Variants in ERN1 observed in about 807,000 individuals in gnomAD.
ERN1 encodes endoplasmic reticulum to nucleus signaling 1.
A neutral mutation model predicts 113.1 loss-of-function variants in ERN1; 39 were observed. That is an observed-to-expected ratio of 0.34 (90% CI 0.27 to 0.45). ERN1 has a LOEUF of 0.45. Ranked by LOEUF, ERN1 falls within the 20% of genes least tolerant of loss-of-function variation. The pLI, the probability that ERN1 is intolerant of heterozygous loss-of-function variation, is 1.00. For synonymous variants in ERN1, 507 were observed against 515.9 expected (o/e 0.98, Z 0.23); for missense variants, 976 against 1,274.8 (o/e 0.77, Z 3.57).
chr17:64,124,095 T>C (rs747303725), intron 1 of ERN1, among the ~76,000 whole-genome samples: 5 of 152,168 alleles, frequency 3.3e-5, no homozygotes, highest in Non-Finnish European at 7.3e-5. Context: ...AGATAGGTAA[T>C]AACGAGTATC....
intron 6 of ERN1, among the ~76,000 whole-genome samples, chr17:64,069,338 T>C (rs1306438011): frequency 6.6e-6 from 1 of 152,078 alleles, no homozygotes; most frequent in East Asian, 1.9e-4. Context: ...AAAGGAGTGG[T>C]ATCAGCATAG....
intron 5 of ERN1, among the ~76,000 whole-genome samples, chr17:64,073,251 C>T (rs920591653): frequency 2.6e-5 from 4 of 151,516 alleles, no homozygotes; most frequent in Admixed American, 6.6e-5. Context: ...TCACTGCAAC[C>T]TCCACCTCCC....
intron 17 of ERN1, among the ~76,000 whole-genome samples, chr17:64,052,549 A>G (rs896776963): frequency 7.0e-6 from 1 of 143,522 alleles, no homozygotes; most frequent in Non-Finnish European, 1.5e-5. Context: ...AAAAAAAAAA[A>G]CAAGTGATTG....
intron 18 of ERN1, among the ~76,000 whole-genome samples, chr17:64,048,316 C>T (rs773547193): frequency 6.6e-6 from 1 of 152,124 alleles, no homozygotes; most frequent in Non-Finnish European, 1.5e-5. Flanking sequence ...CGCTGAAAAA[C>T]GTGCATGCTG....
Position 64,126,078 on chromosome 17 carries a change from GA to G in ERN1, c.54+3897del, listed in dbSNP as rs895675153. ...ATGGGATATAGGTAAAGATAGAAAG[GA>G]AAAAAAAAACTGCTTCTGGGAAATA... is the stretch of plus-strand genomic sequence containing the variant. On this transcript the variant is annotated intron_variant, in intron 1 of 21. Coordinates refer to ENST00000433197, the MANE Select transcript of ERN1 (RefSeq NM_001433.5). Among the ~76,000 whole-genome samples the G allele has an allele frequency of 3.2e-3, 472 of 147,334 alleles. 1 individual carries two copies. Among genetic ancestry groups the G allele is most frequent in the Non-Finnish European group, 4.7e-3 (309 of 66,424 alleles).
intron 1 of ERN1, among the ~76,000 whole-genome samples, chr17:64,118,256 T>C (rs1350709130): frequency 1.3e-5 from 2 of 152,186 alleles, no homozygotes; most frequent in Non-Finnish European, 2.9e-5. Context: ...TGCCCAAAGT[T>C]GCACAGCTAG....
At position 64,083,113 on chromosome 17, in the gene ERN1, C is replaced by A. The variant is rs537982467; in HGVS notation, c.176-2305G>T. Among the ~76,000 whole-genome samples the A allele has an allele frequency of 2.7e-4, 41 of 152,006 alleles. 1 individual carries two copies. In the South Asian group the frequency reaches 8.5e-3, roughly 32 times the overall value. ...ATTCAAGATTTGCTTTAAAATACTACAGAAAATAATTATACGGGGGGCGGG... is the reference window on the plus strand; with the variant it reads ...ATTCAAGATTTGCTTTAAAATACTAAAGAAAATAATTATACGGGGGGCGGG... On this transcript the variant is annotated intron_variant, in intron 2 of 21. Transcript: ENST00000433197.
Position 64,064,166 on chromosome 17 carries a change from C to A in ERN1, c.922-15G>T. The A allele has an allele frequency of 1.3e-6, 2 of 1,574,756 alleles. No individual in the cohort carries two copies. Among genetic ancestry groups the A allele is most frequent in the Non-Finnish European group, 1.7e-6 (2 of 1,159,906 alleles). The stretch of plus-strand genomic sequence containing the variant: ...CTGCCGCGGGGCTGTGGAGAGGGTG[C>A]AGTGAGGGTCAGGAGCCCTGGAGGG... On this transcript the variant is annotated splice_polypyrimidine_tract_variant and intron_variant, in intron 9 of 21. Transcript: ENST00000433197.
rs8182253 is a variant in ERN1, at chr17:64,040,529, C to A, written c.*3459G>T. 2.6e-5 allele frequency: 4 copies of A among 152,260 alleles called. No individual in the cohort carries two copies. The highest frequency in any genetic ancestry group is 7.2e-5 in the African/African-American group (3 of 41,446). 9.4% of individuals were successfully genotyped at this position (152,260 alleles called of 1,614,324 possible). A position where few individuals can be genotyped will look rare whatever the true frequency, so the allele number is the denominator to read the frequency against. The stretch of plus-strand genomic sequence containing the variant: ...GCAAGAAAAGAATTGCCAAAGATAA[C>A]TGAATCGCATGCACACAAAACCTTA... On this transcript the variant is annotated 3_prime_UTR_variant, in exon 22 of 22. Coordinates refer to ENST00000433197, the MANE Select transcript of ERN1 (RefSeq NM_001433.5).
chr17:64,053,028 G>GGCC (rs1567862242), intron 16 of ERN1, 49 bp from the exon 17 acceptor site: 13 of 989,032 alleles, frequency 1.3e-5, no homozygotes, highest in Non-Finnish European at 1.5e-5. Context: ...AGCAACCCCA[G>GGCC]GCCTCCTCCA....
intron 1 of ERN1, 100 bp downstream of exon 1, chr17:64,129,876 C>T: frequency 8.7e-7 from 1 of 1,147,644 alleles, no homozygotes; most frequent in Non-Finnish European, 1.1e-6. Flanking sequence ...GCCGCCGTCG[C>T]GCTCCCAGCT....
At chr17:64,086,498 A>G (rs115655201) in intron 2 of ERN1, among the ~76,000 whole-genome samples, 1,657 of 151,820 alleles carry the variant, frequency 0.011, 22 homozygotes, top group African/African-American at 0.038. Context: ...ATTTACCACA[A>G]TCTGTTTACC....
intron 1 of ERN1, chr17:64,098,568 T>C (rs1005647118): frequency 1.9e-5 from 11 of 564,720 alleles, no homozygotes; most frequent in Admixed American, 7.5e-5. Context: ...TTGGGCCTAT[T>C]CTATTCTCTA....
At chr17:64,078,626 T>A (rs924591655) in intron 4 of ERN1, among the ~76,000 whole-genome samples, 1 of 152,250 alleles carries the variant, frequency 6.6e-6, no homozygotes, top group Non-Finnish European at 1.5e-5. Context: ...TATCTGGAAC[T>A]GATTTTATAT....
chr17:64,045,444 G>A lies in ERN1; in HGVS notation c.2568C>T (p.Gly856=), dbSNP rs1291365058. The A allele has an allele frequency of 3.1e-6, 5 of 1,613,820 alleles. No individual in the cohort carries two copies. The highest frequency in any genetic ancestry group is 4.2e-6 in the Non-Finnish European group (5 of 1,179,872). The change falls in exon 20 of 22, where the codon GGC becomes GGT. Residue 856 remains glycine (G), a synonymous_variant. Coordinates refer to ENST00000433197, the MANE Select transcript of ERN1 (RefSeq NM_001433.5). ...CTCTCTCTAACTGCTTCACGATCGG[G>A]CCATCCAGGGATTCCTTTTCTATTC... ...SDRIEKESLD[G]PIVKQLERGG... is the part of the protein sequence containing the mutation.
At chr17:64,092,184 C>T (rs143543340) in intron 2 of ERN1, among the ~76,000 whole-genome samples, 96 of 152,162 alleles carry the variant, frequency 6.3e-4, no homozygotes, top group Non-Finnish European at 1.2e-3. Flanking sequence ...GCAATGGGGC[C>T]AGAGAGGAGT....
intron 6 of ERN1, among the ~76,000 whole-genome samples, chr17:64,070,037 C>T (rs1913361750): frequency 1.3e-5 from 2 of 152,268 alleles, no homozygotes; most frequent in Admixed American, 6.5e-5. Context: ...TCTCAGCTGG[C>T]CTTGAGACTT....
rs1380354925 is a variant in ERN1 at position 64,068,211 on chromosome 17, G to A, written c.559C>T (p.Pro187Ser). The change falls in exon 7 of 22, where the codon CCT becomes TCT. Residue 187 changes from proline to serine, a missense_variant. Coordinates refer to ENST00000433197, the MANE Select transcript of ERN1 (RefSeq NM_001433.5). ...ATYFDYAASL[P>S]EDDVDYKMSH... is the part of the protein sequence containing the mutation. Reference sequence around the variant, plus strand: ...TTACTGTAGTCCACGTCGTCCTCAGGCAGTGAGGCCGCATAGTCAAAGTAG... The same window carrying A: ...TTACTGTAGTCCACGTCGTCCTCAGACAGTGAGGCCGCATAGTCAAAGTAG... 4 of 1,610,904 alleles carry A rather than the reference G, an allele frequency of 2.5e-6. 1 individual carries two copies. The East Asian group carries it at 8.9e-5, about 36-fold the overall frequency.
intron 2 of ERN1, among the ~76,000 whole-genome samples, chr17:64,089,181 T>C (rs1914017663): frequency 6.6e-6 from 1 of 151,734 alleles, no homozygotes; most frequent in Non-Finnish European, 1.5e-5. Context: ...TAGCCGGGCA[T>C]GGTGGCAGGC....
Sources: gnomAD v4.1 joint callset for allele counts (sites outside exome capture counted in the v4.1 genomes callset) on GRCh38, gnomAD v4.1.1 for gene constraint, MANE v1.5 for transcripts, NCBI Gene and HGNC (gene_info 2026-07-23, HGNC 2026-07-21) for gene names.